Variants in SOCS6 observed in about 807,000 individuals in gnomAD.
The protein encoded by SOCS6 is STAT induced STAT inhibitor-4.
In SOCS6, 5 loss-of-function variants were observed where a neutral mutation model predicts 27.7. That is an observed-to-expected ratio of 0.18 (90% CI 0.09 to 0.38). The LOEUF (loss-of-function observed/expected upper bound fraction) is 0.38, where lower values mean the gene tolerates loss of function less well. Ranked by LOEUF, SOCS6 falls within the 10% of genes least tolerant of loss-of-function variation. SOCS6 has a pLI of 1.00. For synonymous variants in SOCS6, 271 were observed against 260.0 expected, an observed-to-expected ratio of 1.04 and a Z score of -0.41; for missense variants, 595 against 688.1, an observed-to-expected ratio of 0.86 and a Z score of 1.51.
At chr18:70,300,242 TC>T (rs1267734426) in intron 1 of SOCS6, among the ~76,000 whole-genome samples, 1 of 152,156 alleles carries the variant, frequency 6.6e-6, no homozygotes, top group Non-Finnish European at 1.5e-5. Context: ...TTCTCCTGCC[TC>T]AGACTCCCAA....
At chr18:70,298,333 G>A (rs2062333109) in intron 1 of SOCS6, among the ~76,000 whole-genome samples, 1 of 151,912 alleles carries the variant, frequency 6.6e-6, no homozygotes, top group African/African-American at 2.4e-5. Context: ...GATTTTTAGG[G>A]AATTTGCTAT....
chr18:70,300,896 G>A (rs2062345528), intron 1 of SOCS6, among the ~76,000 whole-genome samples: 1 of 152,066 alleles, frequency 6.6e-6, no homozygotes, highest in Non-Finnish European at 1.5e-5. Context: ...ATCTACCTTT[G>A]TAGCCATGCA....
chr18:70,294,723 TCA>T (rs2062315956), intron 1 of SOCS6, among the ~76,000 whole-genome samples: 1 of 152,216 alleles, frequency 6.6e-6, no homozygotes, highest in Non-Finnish European at 1.5e-5. Flanking sequence ...TTACAGGTGG[TCA>T]CAGTGTTAGC....
chr18:70,313,691 C>T (rs2062399533), intron 1 of SOCS6, among the ~76,000 whole-genome samples: 1 of 152,134 alleles, frequency 6.6e-6, no homozygotes, highest in African/African-American at 2.4e-5. Context: ...CCATATGTCT[C>T]TTGGTCTATT....
At chr18:70,306,341 G>A (rs1381381291) in intron 1 of SOCS6, among the ~76,000 whole-genome samples, 1 of 151,892 alleles carries the variant, frequency 6.6e-6, no homozygotes, top group East Asian at 1.9e-4. Flanking sequence ...GGGTGTGGTG[G>A]CGCACGCTAC....
At chr18:70,318,391 A>G (rs1327337714) in intron 1 of SOCS6, among the ~76,000 whole-genome samples, 1 of 152,178 alleles carries the variant, frequency 6.6e-6, no homozygotes, top group Non-Finnish European at 1.5e-5. Context: ...CATGCCCGGG[A>G]GCTGTCTTTG....
chr18:70,326,836 C>T lies in SOCS6; in HGVS notation c.*560C>T, dbSNP rs1397074172. On this transcript the variant is annotated 3_prime_UTR_variant, in exon 2 of 2. Coordinates refer to ENST00000397942, the MANE Select transcript of SOCS6 (RefSeq NM_004232.4). ...ATTGACATAATCTTGGGTAATGGAA[C>T]GGAGATCTGCAACATATCTTTTAAC... 1 of 167,036 alleles carries T rather than the reference C, an allele frequency of 6.0e-6. No homozygotes were observed. The allele number at this position is 167,036 out of a possible 1,614,324, so 10.3% of individuals were successfully genotyped here. A position where few individuals can be genotyped will look rare whatever the true frequency, so the allele number is the denominator to read the frequency against.
chr18:70,306,622 G>A (rs1311854993), intron 1 of SOCS6, among the ~76,000 whole-genome samples: 1 of 151,908 alleles, frequency 6.6e-6, no homozygotes, highest in East Asian at 1.9e-4. Context: ...ACAGTGTTGA[G>A]TAGAGGGGGT....
rs1041539881 is a variant in SOCS6, at chr18:70,304,906, A to G, written c.-127+15816A>G. On this transcript the variant is annotated intron_variant, in intron 1 of 1. Coordinates refer to ENST00000397942, the MANE Select transcript of SOCS6 (RefSeq NM_004232.4). ...AACTAGAGTCACAAAGTTTTTTTAA[A>G]GAAGTTTTATAGTTTCATGGCCGAG... Among the ~76,000 whole-genome samples, 17 of 152,302 alleles carry G rather than the reference A, an allele frequency of 1.1e-4. No homozygotes were observed. In the East Asian group the frequency reaches 3.1e-3, roughly 28 times the overall value.
chr18:70,326,491 G>C lies in SOCS6; in HGVS notation c.*215G>C, dbSNP rs1911214239. 1 of 555,588 alleles carries C rather than the reference G, an allele frequency of 1.8e-6. No individual in the cohort carries two copies. Among genetic ancestry groups the C allele is most frequent in the South Asian group, 2.5e-5 (1 of 40,374 alleles). 34.4% of individuals were successfully genotyped at this position (555,588 alleles called of 1,614,324 possible). ...AAAAAAGGGAAGTCTTGAGGTTTTA[G>C]AGGTGTGAATTATGTTTCATCAATG... On this transcript the variant is annotated 3_prime_UTR_variant, in exon 2 of 2. Coordinates refer to ENST00000397942, the MANE Select transcript of SOCS6 (RefSeq NM_004232.4).
chr18:70,329,379 G>A lies in SOCS6; in HGVS notation c.*3103G>A, dbSNP rs1001128073. ...AAAGGAAACAAAACCCAAAGTATGC[G>A]TTGTAATTCTTGAGCCAGTATTACT... On this transcript the variant is annotated 3_prime_UTR_variant, in exon 2 of 2. Transcript: ENST00000397942. The A allele has an allele frequency of 6.0e-5, 10 of 167,134 alleles. No homozygotes were observed. In the South Asian group the frequency reaches 1.2e-3, roughly 21 times the overall value. 10.4% of individuals were successfully genotyped at this position (167,134 alleles called of 1,614,324 possible).
At chr18:70,319,412 GC>G (rs1226254739) in intron 1 of SOCS6, among the ~76,000 whole-genome samples, 1 of 152,020 alleles carries the variant, frequency 6.6e-6, no homozygotes, top group Admixed American at 6.5e-5. Flanking sequence ...GATAATTTAA[GC>G]CTGTGGCTCT....
chr18:70,304,434 A>G (rs1350624242), intron 1 of SOCS6, among the ~76,000 whole-genome samples: 1 of 152,100 alleles, frequency 6.6e-6, no homozygotes, highest in Non-Finnish European at 1.5e-5. Context: ...CCAGCAGTGT[A>G]TAAGGTTTCT....
chr18:70,321,312 GTTTTT>G (rs763120236), intron 1 of SOCS6, among the ~76,000 whole-genome samples: 983 of 68,690 alleles, frequency 0.014, 31 homozygotes, highest in African/African-American at 0.051. Context: ...AATTTTCTCA[GTTTTT>G]TTTTTTTTTT....
rs1399221875 is a variant in SOCS6 at position 70,326,561 on chromosome 18, C to T, written c.*285C>T. ...GAATTATCAAATTCTCCTCAATGCC[C>T]CCCCCGCCCAGTCCTTTGCTGCTAT... On this transcript the variant is annotated 3_prime_UTR_variant, in exon 2 of 2. Transcript: ENST00000397942. 5.6e-6 allele frequency: 2 copies of T among 359,650 alleles called. No individual in the cohort carries two copies. The highest frequency in any genetic ancestry group is 4.5e-5 in the South Asian group (1 of 22,308). 22.3% of individuals were successfully genotyped at this position (359,650 alleles called of 1,614,324 possible). A position where few individuals can be genotyped will look rare whatever the true frequency, so the allele number is the denominator to read the frequency against.
At chr18:70,304,100 A>AT (rs2062359360) in intron 1 of SOCS6, among the ~76,000 whole-genome samples, 1 of 152,168 alleles carries the variant, frequency 6.6e-6, no homozygotes, top group South Asian at 2.1e-4. Flanking sequence ...TGTCAGATGA[A>AT]TTTTTTTAAG....
intron 1 of SOCS6, among the ~76,000 whole-genome samples, chr18:70,305,200 G>T (rs9953153): frequency 0.35 from 52,652 of 151,394 alleles, 9,930 homozygotes; most frequent in East Asian, 0.73. Context: ...AGAGCAAGAC[G>T]CCGTCTCAAA....
chr18:70,311,834 T>A (rs2062392048), intron 1 of SOCS6, among the ~76,000 whole-genome samples: 1 of 152,198 alleles, frequency 6.6e-6, no homozygotes, highest in African/African-American at 2.4e-5. Context: ...TCTGATGATT[T>A]TTTTTTATGG....
At position 70,328,332 on chromosome 18, in the gene SOCS6, C is replaced by T. The variant is rs1325131873; in HGVS notation, c.*2056C>T. 1.2e-5 allele frequency: 2 copies of T among 166,946 alleles called. No individual in the cohort carries two copies. Among genetic ancestry groups the T allele is most frequent in the Non-Finnish European group, 2.9e-5 (2 of 68,108 alleles). 10.3% of individuals were successfully genotyped at this position (166,946 alleles called of 1,614,324 possible). ...TTAATAATAAATGTTGAAATGGCTTCTCCGTGTCTCCAGAAGCATTTACAT... is the reference window on the plus strand; with the variant it reads ...TTAATAATAAATGTTGAAATGGCTTTTCCGTGTCTCCAGAAGCATTTACAT... On this transcript the variant is annotated 3_prime_UTR_variant, in exon 2 of 2. Transcript: ENST00000397942.
Sources: gnomAD v4.1 joint callset for allele counts (sites outside exome capture counted in the v4.1 genomes callset) on GRCh38, gnomAD v4.1.1 for gene constraint, MANE v1.5 for transcripts, NCBI Gene and HGNC (gene_info 2026-07-23, HGNC 2026-07-21) for gene names.